The following IL26 variants were observed in gnomAD, a reference collection of about 807,000 sequenced individuals.
IL26 encodes the protein interleukin 26, also known as interleukin-26.
IL26 carries 23 observed loss-of-function variants against 21.7 expected under a neutral mutation model. That is an observed-to-expected ratio of 1.06 (90% CI 0.76 to 1.50). IL26 has a LOEUF of 1.50. IL26 is among the 40% of genes most tolerant of loss of function. IL26 has a pLI of 0.00. For missense variants in IL26, 204 were observed against 196.0 expected (o/e 1.04, Z -0.24); for synonymous variants, 63 against 67.8 (o/e 0.93, Z 0.34).
chr12:68,211,784 G>T (rs1382222901), intron 3 of IL26, among the ~76,000 whole-genome samples: 1 of 152,042 alleles, frequency 6.6e-6, no homozygotes, highest in Non-Finnish European at 1.5e-5. Flanking sequence ...TTAGTCCCTT[G>T]TCAGACGGAT....
chr12:68,205,339 C>T (rs577423424), intron 3 of IL26, among the ~76,000 whole-genome samples: 56 of 144,698 alleles, frequency 3.9e-4, no homozygotes, highest in African/African-American at 1.3e-3. Flanking sequence ...AGACCCCCCC[C>T]AAATTAAACT....
Position 68,214,524 on chromosome 12 carries a change from A to C in IL26, c.363+10625T>G, listed in dbSNP as rs577347212. ...ATATACTTGGGTGCTCTTATGTTGC[A>C]TGCATAGATATTTATAATTGTTATA... On this transcript the variant is annotated intron_variant, in intron 3 of 4. Coordinates refer to ENST00000229134, the MANE Select transcript of IL26 (RefSeq NM_018402.2). Among the ~76,000 whole-genome samples, 4 of 152,304 alleles carry C rather than the reference A, an allele frequency of 2.6e-5. No homozygotes were observed. In the South Asian group the frequency reaches 6.2e-4, roughly 24 times the overall value.
chr12:68,219,954 T>C (rs1869001409), intron 3 of IL26, among the ~76,000 whole-genome samples: 1 of 152,038 alleles, frequency 6.6e-6, no homozygotes, highest in South Asian at 2.1e-4. Context: ...GGCTATAAAT[T>C]TGGTGAATTT....
chr12:68,206,218 T>C (rs1868538156), intron 3 of IL26, among the ~76,000 whole-genome samples: 1 of 152,370 alleles, frequency 6.6e-6, no homozygotes, highest in South Asian at 2.1e-4. Context: ...GCATCTTCAA[T>C]AGTGTAATCT....
chr12:68,213,434 G>A (rs752123407), intron 3 of IL26, among the ~76,000 whole-genome samples: 1 of 152,038 alleles, frequency 6.6e-6, no homozygotes, highest in Non-Finnish European at 1.5e-5. Context: ...TTTTTTAAGA[G>A]TTTGGGTAGA....
At chr12:68,205,824 T>A (rs1421675167) in intron 3 of IL26, among the ~76,000 whole-genome samples, 1 of 152,240 alleles carries the variant, frequency 6.6e-6, no homozygotes, top group Non-Finnish European at 1.5e-5. Flanking sequence ...TAAAAGAAGT[T>A]AAAACCACTC....
intron 3 of IL26, among the ~76,000 whole-genome samples, chr12:68,222,301 C>T (rs193143208): frequency 6.6e-6 from 1 of 152,130 alleles, no homozygotes; most frequent in Admixed American, 6.5e-5. Context: ...AAAATTATTC[C>T]CAAGGTTTGG....
chr12:68,219,675 G>A (rs746977940), intron 3 of IL26, among the ~76,000 whole-genome samples: 1 of 151,520 alleles, frequency 6.6e-6, no homozygotes, highest in South Asian at 2.1e-4. Flanking sequence ...AGAAGGAGCA[G>A]ACTAAATATA....
intron 3 of IL26, among the ~76,000 whole-genome samples, chr12:68,212,579 A>G (rs1405598288): frequency 6.6e-6 from 1 of 151,972 alleles, no homozygotes; most frequent in South Asian, 2.1e-4. Context: ...TTTATACACA[A>G]TTTCATCAAT....
At chr12:68,217,132 C>T (rs1868907081) in intron 3 of IL26, among the ~76,000 whole-genome samples, 1 of 152,178 alleles carries the variant, frequency 6.6e-6, no homozygotes, top group Admixed American at 6.5e-5. Flanking sequence ...TTACCCAAAT[C>T]AAACTAATTG....
intron 3 of IL26, among the ~76,000 whole-genome samples, chr12:68,203,879 A>C (rs1281928121): frequency 1.3e-5 from 2 of 152,174 alleles, no homozygotes; most frequent in Non-Finnish European, 2.9e-5. Flanking sequence ...CTTAAGGTAC[A>C]GTTTGCAGGA....
chr12:68,214,076 CA>C (rs1382576565), intron 3 of IL26, among the ~76,000 whole-genome samples: 1 of 152,034 alleles, frequency 6.6e-6, no homozygotes, highest in East Asian at 1.9e-4. Context: ...TATTTTAAGA[CA>C]TTTTTAAATT....
At chr12:68,209,486 G>A (rs912178020) in intron 3 of IL26, among the ~76,000 whole-genome samples, 1 of 152,104 alleles carries the variant, frequency 6.6e-6, no homozygotes, top group African/African-American at 2.4e-5. Flanking sequence ...GCAAGGAGCC[G>A]ACAAGTCTAG....
At chr12:68,203,069 T>C (rs1868432285) in intron 3 of IL26, among the ~76,000 whole-genome samples, 1 of 152,198 alleles carries the variant, frequency 6.6e-6, no homozygotes, top group Non-Finnish European at 1.5e-5. Context: ...ATGTTCAGTG[T>C]AGACTACAAG....
rs180756119 is a variant in IL26 at position 68,208,592 on chromosome 12, T to A, written c.364-6509A>T. On this transcript the variant is annotated intron_variant, in intron 3 of 4. Coordinates refer to ENST00000229134, the MANE Select transcript of IL26 (RefSeq NM_018402.2). ...ATCTCAGCTCACTGCAACCTCCGTATCCTGGGTTCAAGCAATACTCCTGCC... is the reference window on the plus strand; with the variant it reads ...ATCTCAGCTCACTGCAACCTCCGTAACCTGGGTTCAAGCAATACTCCTGCC... Among the ~76,000 whole-genome samples, 175 of 152,258 alleles carry A rather than the reference T, an allele frequency of 1.1e-3. 1 individual carries two copies. Among genetic ancestry groups the A allele is most frequent in the African/African-American group, 4.1e-3 (170 of 41,540 alleles).
intron 3 of IL26, among the ~76,000 whole-genome samples, chr12:68,207,555 G>C (rs1868577987): frequency 2.0e-5 from 3 of 152,254 alleles, no homozygotes; most frequent in Admixed American, 2.0e-4. Flanking sequence ...TAGTAGTACA[G>C]CATTACCACA....
chr12:68,212,161 G>A (rs903990743), intron 3 of IL26, among the ~76,000 whole-genome samples: 1 of 151,932 alleles, frequency 6.6e-6, no homozygotes, highest in Non-Finnish European at 1.5e-5. Flanking sequence ...TATATTCTTG[G>A]CACCTTTGTC....
At chr12:68,223,605 C>G (rs1049338371) in intron 3 of IL26, among the ~76,000 whole-genome samples, 1 of 152,138 alleles carries the variant, frequency 6.6e-6, no homozygotes, top group Admixed American at 6.6e-5. Flanking sequence ...AAGGATTTAA[C>G]AATGCAACTT....
intron 3 of IL26, among the ~76,000 whole-genome samples, chr12:68,222,699 C>T (rs562212666): frequency 2.5e-4 from 38 of 152,144 alleles, no homozygotes; most frequent in Non-Finnish European, 5.1e-4. Context: ...CTCTCACAGT[C>T]CCCCCTTTCA....
Sources: allele counts gnomAD v4.1 joint callset (sites outside exome capture counted in the v4.1 genomes callset), GRCh38; gene constraint gnomAD v4.1.1; transcripts MANE v1.5; gene names NCBI Gene and HGNC (gene_info 2026-07-23, HGNC 2026-07-21).